The following SUSD5 variants were observed in gnomAD, a reference collection of about 807,000 sequenced individuals.
SUSD5 encodes the protein sushi domain-containing protein 5.
SUSD5 carries 33 observed loss-of-function variants against 29.5 expected under a neutral mutation model. That is an observed-to-expected ratio of 1.12 (90% confidence interval 0.85 to 1.49). The LOEUF (loss-of-function observed/expected upper bound fraction) is 1.49. SUSD5 is among the 40% of genes most tolerant of loss of function. The pLI is 0.00. For synonymous variants in SUSD5, 308 were observed against 325.3 expected, an observed-to-expected ratio of 0.95 and a Z score of 0.57; for missense variants, 776 against 800.6, an observed-to-expected ratio of 0.97 and a Z score of 0.37.
intron 4 of SUSD5, among the ~76,000 whole-genome samples, chr3:33,155,743 A>C (rs1354598264): frequency 3.9e-5 from 6 of 152,196 alleles, no homozygotes; most frequent in Non-Finnish European, 7.3e-5. Flanking sequence ...AAATAGATGA[A>C]TTGCATGGCC....
chr3:33,206,829 C>G (rs1051375092), intron 3 of SUSD5, among the ~76,000 whole-genome samples: 2 of 152,154 alleles, frequency 1.3e-5, no homozygotes, highest in African/African-American at 4.8e-5. Flanking sequence ...ATTAAAATCA[C>G]AAGGGAGTTT....
At chr3:33,179,551 T>C (rs973732059) in intron 3 of SUSD5, among the ~76,000 whole-genome samples, 1 of 152,244 alleles carries the variant, frequency 6.6e-6, no homozygotes, top group African/African-American at 2.4e-5. Context: ...ATAGGTCTTA[T>C]GACCTATTAC....
intron 3 of SUSD5, among the ~76,000 whole-genome samples, chr3:33,199,269 TAA>T (rs2032057870): frequency 6.7e-6 from 1 of 149,290 alleles, no homozygotes; most frequent in Non-Finnish European, 1.5e-5. Context: ...TACACAAAAA[TAA>T]GTTGTTTTTT....
At chr3:33,185,976 T>C (rs769876218) in intron 3 of SUSD5, among the ~76,000 whole-genome samples, 1 of 152,190 alleles carries the variant, frequency 6.6e-6, no homozygotes, top group Non-Finnish European at 1.5e-5. Flanking sequence ...TCAAATTTCC[T>C]CTTCTAATTT....
At chr3:33,162,250 T>C (rs2031205697) in intron 4 of SUSD5, among the ~76,000 whole-genome samples, 1 of 152,160 alleles carries the variant, frequency 6.6e-6, no homozygotes, top group Non-Finnish European at 1.5e-5. Flanking sequence ...ACATTCTAAC[T>C]GAATGATAAT....
chr3:33,195,755 A>C (rs934479812), intron 3 of SUSD5, among the ~76,000 whole-genome samples: 1 of 151,770 alleles, frequency 6.6e-6, no homozygotes, highest in South Asian at 2.1e-4. Flanking sequence ...AAAAAAAAAA[A>C]AACAGAATGC....
At chr3:33,155,834 T>A (rs1369770619) in intron 4 of SUSD5, among the ~76,000 whole-genome samples, 1 of 152,148 alleles carries the variant, frequency 6.6e-6, no homozygotes, top group Non-Finnish European at 1.5e-5. Flanking sequence ...AGAATTAATC[T>A]ATGGATGTCG....
chr3:33,168,243 C>T (rs2031347064), intron 4 of SUSD5, among the ~76,000 whole-genome samples: 2 of 151,316 alleles, frequency 1.3e-5, no homozygotes, highest in African/African-American at 4.9e-5. Context: ...CACGTACCCT[C>T]TTTTTTTTTC....
rs2030849693 is a variant in SUSD5, at chr3:33,150,592, C to T, written c.*2150G>A. On this transcript the variant is annotated 3_prime_UTR_variant, in exon 5 of 5. Coordinates refer to ENST00000309558, the MANE Select transcript of SUSD5 (RefSeq NM_015551.2). ...TTTTGCTTTGGCTACATGCAGAAAG[C>T]ATTTTATTCCTATTGTTCTTGACTT... The T allele has an allele frequency of 6.6e-6, 1 of 152,152 alleles. No individual in the cohort carries two copies. Among genetic ancestry groups the T allele is most frequent in the Admixed American group, 6.5e-5 (1 of 15,288 alleles). The allele number at this position is 152,152 out of a possible 1,614,324, so 9.4% of individuals were successfully genotyped here.
At chr3:33,160,200 T>C (rs1365741812) in intron 4 of SUSD5, among the ~76,000 whole-genome samples, 1 of 152,102 alleles carries the variant, frequency 6.6e-6, no homozygotes, top group African/African-American at 2.4e-5. Flanking sequence ...GTCTTGAACT[T>C]CTGGTCTCAA....
At chr3:33,170,218 C>A (rs1275043778) in intron 4 of SUSD5, among the ~76,000 whole-genome samples, 1 of 152,146 alleles carries the variant, frequency 6.6e-6, no homozygotes, top group Non-Finnish European at 1.5e-5. Context: ...CGCGCCCGGC[C>A]GCATCAGGAC....
chr3:33,215,612 C>T (rs902492808), intron 1 of SUSD5, among the ~76,000 whole-genome samples: 8 of 151,906 alleles, frequency 5.3e-5, no homozygotes, highest in African/African-American at 1.7e-4. Flanking sequence ...AGTATTAATG[C>T]TTGTCCGAGA....
intron 4 of SUSD5, among the ~76,000 whole-genome samples, chr3:33,174,205 C>T (rs912883977): frequency 5.9e-5 from 9 of 152,186 alleles, no homozygotes; most frequent in African/African-American, 2.2e-4. Flanking sequence ...AAGTCTCATC[C>T]GTGGGAATAG....
chr3:33,196,272 G>A lies in SUSD5; in HGVS notation c.409+11536C>T, dbSNP rs529918107. Among the ~76,000 whole-genome samples the A allele has an allele frequency of 9.8e-5, 15 of 152,334 alleles. No individual in the cohort carries two copies. In the South Asian group the frequency reaches 3.1e-3, roughly 32 times the overall value. Reference sequence around the variant, plus strand: ...CTCATAAAAAGATAAAACCAGATATGAGCCTGTATTTGCCCACTACTGACA... The same window carrying A: ...CTCATAAAAAGATAAAACCAGATATAAGCCTGTATTTGCCCACTACTGACA... On this transcript the variant is annotated intron_variant, in intron 3 of 4. Transcript: ENST00000309558.
chr3:33,153,523 C>T lies in SUSD5; in HGVS notation c.1109G>A (p.Trp370Ter). The stretch of plus-strand genomic sequence containing the variant: ...CTCTGTCACAGGGTAGCCATCTAAC[C>T]AGGACTCATCACTGCTGCTCACCAC... ...DPVVSSSDES[W>*]LDGYPVTEGA... The change falls in exon 5 of 5, where the codon TGG (tryptophan) becomes TAG (stop). Residue 370 changes from tryptophan to a stop codon, truncating the protein, a stop_gained. Coordinates refer to ENST00000309558, the MANE Select transcript of SUSD5 (RefSeq NM_015551.2). LOFTEE classifies it low-confidence loss of function (END_TRUNC). 6.2e-7 allele frequency: 1 copy of T among 1,614,070 alleles called. No individual in the cohort carries two copies. The highest frequency in any genetic ancestry group is 1.1e-5 in the South Asian group (1 of 91,068).
At chr3:33,156,092 G>C (rs2031044057) in intron 4 of SUSD5, among the ~76,000 whole-genome samples, 1 of 151,298 alleles carries the variant, frequency 6.6e-6, no homozygotes, top group Non-Finnish European at 1.5e-5. Flanking sequence ...CTAGGCTAGA[G>C]TGCAATGGTG....
intron 3 of SUSD5, among the ~76,000 whole-genome samples, chr3:33,196,130 T>A (rs1402578868): frequency 6.6e-6 from 1 of 152,216 alleles, no homozygotes; most frequent in African/African-American, 2.4e-5. Flanking sequence ...GAATGGATCT[T>A]CAAGTCATGA....
chr3:33,192,103 T>G (rs1367773632), intron 3 of SUSD5, among the ~76,000 whole-genome samples: 1 of 151,432 alleles, frequency 6.6e-6, no homozygotes, highest in African/African-American at 2.4e-5. Context: ...AGACAGAGCC[T>G]TGCTCTGTCG....
intron 3 of SUSD5, among the ~76,000 whole-genome samples, chr3:33,191,135 G>A (rs911027852): frequency 6.3e-5 from 9 of 143,578 alleles, no homozygotes; most frequent in Non-Finnish European, 1.1e-4. Context: ...AGTATACTTT[G>A]TTTTTTTTTT....
Sources: gnomAD v4.1 joint callset for allele counts (sites outside exome capture counted in the v4.1 genomes callset) on GRCh38, gnomAD v4.1.1 for gene constraint, MANE v1.5 for transcripts, NCBI Gene and HGNC (gene_info 2026-07-23, HGNC 2026-07-21) for gene names.